Variants in TNNI3K observed in about 807,000 individuals in gnomAD.
The protein encoded by TNNI3K is serine/threonine-protein kinase TNNI3K.
Under a neutral mutation model 114.5 loss-of-function variants are expected in TNNI3K, and 140 were observed. The observed-to-expected ratio is 1.22, with a 90% CI of 1.07 to 1.41. The LOEUF (loss-of-function observed/expected upper bound fraction) is 1.41. TNNI3K is among the 40% of genes most tolerant of loss of function. The pLI is 0.00. For missense variants in TNNI3K, 1,125 were observed against 1,007.6 expected (o/e 1.12, Z -1.58); for synonymous variants, 347 against 347.5 (o/e 1.00, Z 0.02).
At chr1:74,286,525 C>T (rs1355058728) in intron 5 of TNNI3K, among the ~76,000 whole-genome samples, 1 of 152,068 alleles carries the variant, frequency 6.6e-6, no homozygotes, top group East Asian at 1.9e-4. Flanking sequence ...AGGTACGAGG[C>T]TCATTCATAT....
rs183213928 is a variant in TNNI3K at position 74,512,260 on chromosome 1, T to C, written c.2351+19994T>C. ...CATGGAGCTAGGGATAATATGGTAATCTAGATGAGACATGAGTGACATAGA... is the reference window on the plus strand; with the variant it reads ...CATGGAGCTAGGGATAATATGGTAACCTAGATGAGACATGAGTGACATAGA... On this transcript the variant is annotated intron_variant, in intron 23 of 24. Coordinates refer to ENST00000326637, the MANE Select transcript of TNNI3K (RefSeq NM_015978.3). Among the ~76,000 whole-genome samples, 418 of 152,248 alleles carry C rather than the reference T, an allele frequency of 2.7e-3. 1 individual carries two copies. Among genetic ancestry groups the C allele is most frequent in the Admixed American group, 6.3e-3 (96 of 15,298 alleles).
intron 23 of TNNI3K, among the ~76,000 whole-genome samples, chr1:74,494,756 T>C (rs1459322731): frequency 6.6e-6 from 1 of 152,214 alleles, no homozygotes; most frequent in Non-Finnish European, 1.5e-5. Flanking sequence ...TATTTAAATC[T>C]CACATGTAAA....
At chr1:74,271,761 T>G (rs1656368083) in intron 5 of TNNI3K, 53 bp downstream of exon 5, 1 of 1,463,250 alleles carries the variant, frequency 6.8e-7, no homozygotes, top group Non-Finnish European at 9.4e-7. Flanking sequence ...CCTTTTCGGT[T>G]GTTGTTCTTA....
chr1:74,309,235 G>A (rs1658834232), intron 5 of TNNI3K, among the ~76,000 whole-genome samples: 1 of 149,062 alleles, frequency 6.7e-6, no homozygotes, highest in Non-Finnish European at 1.5e-5. Context: ...GGGCGAGGTG[G>A]CGGGCGCCTG....
intron 2 of TNNI3K, among the ~76,000 whole-genome samples, chr1:74,237,844 A>G (rs1653950675): frequency 6.6e-6 from 1 of 152,018 alleles, no homozygotes; most frequent in Non-Finnish European, 1.5e-5. Flanking sequence ...TATTTAATCT[A>G]TAGTCATATG....
At chr1:74,501,480 G>GTTTGTTTT (rs1309008125) in intron 23 of TNNI3K, among the ~76,000 whole-genome samples, 1 of 124,284 alleles carries the variant, frequency 8.0e-6, no homozygotes, top group Non-Finnish European at 1.5e-5. Context: ...TTTTGTGTTT[G>GTTTGTTTT]TTTGTTTGTT....
At chr1:74,448,447 C>G (rs1322608179) in intron 20 of TNNI3K, among the ~76,000 whole-genome samples, 1 of 145,646 alleles carries the variant, frequency 6.9e-6, no homozygotes, top group Non-Finnish European at 1.5e-5. Flanking sequence ...AATTGAATAC[C>G]CTTTATTTCC....
chr1:74,316,101 G>A (rs916081918), intron 5 of TNNI3K, among the ~76,000 whole-genome samples: 27 of 152,164 alleles, frequency 1.8e-4, no homozygotes, highest in African/African-American at 6.3e-4. Flanking sequence ...TCCAAGATCT[G>A]TGTTCAATGT....
At chr1:74,377,263 A>G (rs1662954434) in intron 17 of TNNI3K, 1 of 152,030 alleles carries the variant, frequency 6.6e-6, no homozygotes, top group Non-Finnish European at 1.5e-5. Context: ...AGTCAGTCTA[A>G]TTATTCATTC....
At chr1:74,433,743 T>C (rs748406135) in intron 17 of TNNI3K, among the ~76,000 whole-genome samples, 1 of 152,058 alleles carries the variant, frequency 6.6e-6, no homozygotes, top group Non-Finnish European at 1.5e-5. Flanking sequence ...ATAAATGTTA[T>C]AGTTGTTTAT....
chr1:74,303,450 C>A (rs971675163), intron 5 of TNNI3K, among the ~76,000 whole-genome samples: 3 of 152,168 alleles, frequency 2.0e-5, no homozygotes, highest in Non-Finnish European at 2.9e-5. Flanking sequence ...CAGGCATGAG[C>A]CACTGTGCTC....
intron 24 of TNNI3K, among the ~76,000 whole-genome samples, chr1:74,541,371 A>G (rs1294037785): frequency 1.3e-5 from 2 of 152,124 alleles, no homozygotes; most frequent in Non-Finnish European, 2.9e-5. Flanking sequence ...TGTGCTTCTG[A>G]CTCCCAATAC....
At chr1:74,331,387 A>G (rs1479558761) in intron 5 of TNNI3K, 63 bp from the exon 6 acceptor site, 3 of 1,535,938 alleles carry the variant, frequency 2.0e-6, no homozygotes, top group Non-Finnish European at 2.7e-6. Flanking sequence ...GTGGTTGTAA[A>G]CTGAATCTTA....
intron 17 of TNNI3K, among the ~76,000 whole-genome samples, chr1:74,415,902 C>A (rs184342356): frequency 6.6e-6 from 1 of 152,102 alleles, no homozygotes; most frequent in Non-Finnish European, 1.5e-5. Flanking sequence ...TACTGGTATG[C>A]AGACATTCTG....
intron 19 of TNNI3K, among the ~76,000 whole-genome samples, chr1:74,438,809 G>C (rs1410358466): frequency 1.3e-5 from 2 of 152,090 alleles, no homozygotes; most frequent in Non-Finnish European, 2.9e-5. Flanking sequence ...TTTGTACGGA[G>C]GGACTTGTAA....
intron 11 of TNNI3K, among the ~76,000 whole-genome samples, chr1:74,363,600 T>C (rs1662092811): frequency 6.6e-6 from 1 of 151,914 alleles, no homozygotes; most frequent in Non-Finnish European, 1.5e-5. Flanking sequence ...GGATGCAACT[T>C]TCTGCTTCAT....
At chr1:74,256,020 A>G (rs1028449947) in intron 4 of TNNI3K, among the ~76,000 whole-genome samples, 1 of 152,196 alleles carries the variant, frequency 6.6e-6, no homozygotes, top group African/African-American at 2.4e-5. Flanking sequence ...TTACCTGCTG[A>G]TGGACATTTT....
rs185743111 is a variant in TNNI3K, at chr1:74,417,600, T to C, written c.1773-18480T>C. Among the ~76,000 whole-genome samples the C allele has an allele frequency of 1.5e-4, 23 of 152,078 alleles. No individual in the cohort carries two copies. The East Asian group carries it at 4.3e-3, about 28-fold the overall frequency. On this transcript the variant is annotated intron_variant, in intron 17 of 24. Transcript: ENST00000326637. ...TATCTCTTGTAAGCCCAACTTATACTGGCATCTAATTCACAGAGGGTCTGA... is the reference window on the plus strand; with the variant it reads ...TATCTCTTGTAAGCCCAACTTATACCGGCATCTAATTCACAGAGGGTCTGA...
intron 17 of TNNI3K, among the ~76,000 whole-genome samples, chr1:74,377,863 A>G (rs1015647800): frequency 1.3e-4 from 20 of 152,110 alleles, no homozygotes; most frequent in African/African-American, 4.3e-4. Context: ...CATGGGTACC[A>G]TGGGTTTGTG....
Sources: gnomAD v4.1 joint callset for allele counts (sites outside exome capture counted in the v4.1 genomes callset) on GRCh38, gnomAD v4.1.1 for gene constraint, MANE v1.5 for transcripts, NCBI Gene and HGNC (gene_info 2026-07-23, HGNC 2026-07-21) for gene names.